Variants in LAMB2 observed in about 807,000 individuals in gnomAD.
LAMB2 encodes laminin subunit beta 2.
Under a neutral mutation model 202.7 loss-of-function variants are expected in LAMB2, and 119 were observed. The observed-to-expected ratio is 0.59, with a 90% CI of 0.51 to 0.68. The LOEUF (loss-of-function observed/expected upper bound fraction) is 0.68. Among genes scored for constraint, LAMB2 ranks in the 30% least tolerant of loss-of-function variants. LAMB2 has a pLI of 0.00. For synonymous variants in LAMB2, 818 were observed against 902.2 expected, an observed-to-expected ratio of 0.91 and a Z score of 1.67; for missense variants, 2,124 against 2,410.6, an observed-to-expected ratio of 0.88 and a Z score of 2.49.
At chr3:49,128,234 C>T (rs1389197115) in intron 15 of LAMB2, among the ~76,000 whole-genome samples, 1 of 152,212 alleles carries the variant, frequency 6.6e-6, no homozygotes, top group African/African-American at 2.4e-5. Flanking sequence ...TAATTCCTGC[C>T]TTGGCCTCTG....
rs747693614 is a variant in LAMB2 at position 49,124,755 on chromosome 3, A to G, written c.3055T>C (p.Cys1019Arg). 1 of 1,614,072 alleles carries G rather than the reference A, an allele frequency of 6.2e-7. No individual in the cohort carries two copies. The highest frequency in any genetic ancestry group is 1.3e-5 in the African/African-American group (1 of 74,938). Residue 1019 changes from cysteine to arginine, a missense_variant, in exon 21 of 32, where the codon TGT becomes CGT. By Grantham distance (180) the Cys-to-Arg change is radical. Around this residue, in one of 3 missense-constraint regions of LAMB2, gnomAD observed 1,702 missense variants for 1,896.3 expected, o/e 0.90. Coordinates refer to ENST00000305544, the MANE Select transcript of LAMB2 (RefSeq NM_002292.4). ...RCLHHTEGPH[C>R]AHCKPGFHGQ... ...TGGAAGCCAGGCTTGCAGTGGGCAC[A>G]GTGTGGACCCTCTGTGTGGTGTAAA...
Position 49,124,025 on chromosome 3 carries a change from C to A in LAMB2, c.3500G>T (p.Gly1167Val). Residue 1167 changes from glycine to valine, a missense_variant, in exon 24 of 32, where the codon GGG (glycine) becomes GTG (valine). Physicochemically the swap from Gly to Val is moderately radical, Grantham distance 109 (BLOSUM62 -3). Coordinates refer to ENST00000305544, the MANE Select transcript of LAMB2 (RefSeq NM_002292.4). ...RFTGHCSCRP[G>V]VSGVRCDQCA... Reference sequence around the variant, plus strand: ...CTGGTCACAGCGCACACCAGACACCCCTGGGCGGCAGCTGCAGTGACCTGT... The same window carrying A: ...CTGGTCACAGCGCACACCAGACACCACTGGGCGGCAGCTGCAGTGACCTGT... 6.2e-7 allele frequency: 1 copy of A among 1,613,664 alleles called. No individual in the cohort carries two copies. Among genetic ancestry groups the A allele is most frequent in the Non-Finnish European group, 8.5e-7 (1 of 1,180,010 alleles).
rs749040143 is a variant in LAMB2, at chr3:49,124,242, A to C, written c.3372T>G (p.Thr1124=). 6.2e-7 allele frequency: 1 copy of C among 1,613,962 alleles called. No homozygotes were observed. The highest frequency in any genetic ancestry group is 8.5e-7 in the Non-Finnish European group (1 of 1,179,944). The change falls in exon 23 of 32, where the codon ACT becomes ACG. Residue 1124 remains threonine (T), a synonymous_variant. Coordinates refer to ENST00000305544, the MANE Select transcript of LAMB2 (RefSeq NM_002292.4). ...AGTGGAGCTCTTGGCACTCAGAACA[A>C]GTCCGCCCTCCAAAGCCGGCACGGC... ...CHCRAGFGGR[T]CSECQELHWG... is the part of the protein sequence containing the mutation.
rs1182496769 is a variant in LAMB2, at chr3:49,131,141, T to A, written c.724A>T (p.Ile242Phe). Residue 242 changes from isoleucine to phenylalanine, a missense_variant, in exon 7 of 32, where the codon ATC (isoleucine) becomes TTC (phenylalanine). Ile to Phe is a conservative substitution (Grantham distance 21). Transcript: ENST00000305544. The surrounding 1 kb of genome is among the most constrained non-coding windows in gnomAD (Gnocchi z 5.0). ...GTCAGGTTCACCCGTAGGTTGGTGATCTTCAACAGGTCTGAGGCGGGGGAA... is the reference window on the plus strand; with the variant it reads ...GTCAGGTTCACCCGTAGGTTGGTGAACTTCAACAGGTCTGAGGCGGGGGAA... ...YSSRIQNLLK[I>F]TNLRVNLTRL... 1.2e-6 allele frequency: 2 copies of A among 1,613,564 alleles called. No individual in the cohort carries two copies.
rs1205212867 is a variant in LAMB2, at chr3:49,125,007, C to T, written c.2883G>A (p.Thr961=). The part of the protein sequence containing the change: ...QIVCHCRAGY[T]GLRCEACAPG... Reference sequence around the variant, plus strand: ...CCACGCCTGCCCCCATCCACTCACCCGTATAGCCTGCCCGGCAGTGGCACA... The same window carrying T: ...CCACGCCTGCCCCCATCCACTCACCTGTATAGCCTGCCCGGCAGTGGCACA... The change falls in exon 20 of 32, where the codon ACG becomes ACA. Residue 961 remains threonine (T), a splice_region_variant and synonymous_variant. Coordinates refer to ENST00000305544, the MANE Select transcript of LAMB2 (RefSeq NM_002292.4). 8.7e-6 allele frequency: 14 copies of T among 1,613,808 alleles called. No individual in the cohort carries two copies. Among genetic ancestry groups the T allele is most frequent in the East Asian group, 2.2e-5 (1 of 44,894 alleles).
chr3:49,132,519 T>TG lies in LAMB2; in HGVS notation c.220dup (p.Gln74ProfsTer19). On this transcript the variant is annotated frameshift_variant, in exon 2 of 32. Transcript: ENST00000305544. LOFTEE classifies it high-confidence loss of function. The surrounding 1 kb of genome is among the most constrained non-coding windows in gnomAD (Gnocchi z 4.6). ...CAGGTGACTGACGATGCAGTAGGGCTGGGGGCCATTCAGGCCACAAGTGGA... is the reference window on the plus strand; with the variant it reads ...CAGGTGACTGACGATGCAGTAGGGCTGGGGGGCCATTCAGGCCACAAGTGGA... The TG allele has an allele frequency of 6.2e-7, 1 of 1,613,850 alleles. No homozygotes were observed. The highest frequency in any genetic ancestry group is 1.1e-5 in the South Asian group (1 of 91,084).
At chr3:49,127,279 C>T (rs1230013925) in intron 15 of LAMB2, among the ~76,000 whole-genome samples, 5 of 152,164 alleles carry the variant, frequency 3.3e-5, no homozygotes, top group Admixed American at 2.6e-4. Context: ...AGCCACCATG[C>T]CTGGTCTAGA....
intron 15 of LAMB2, among the ~76,000 whole-genome samples, chr3:49,127,673 C>A (rs530863401): frequency 6.9e-6 from 1 of 144,464 alleles, no homozygotes; most frequent in Non-Finnish European, 1.5e-5. Flanking sequence ...CCAGCCTGGG[C>A]GACAGAGCAA....
chr3:49,130,775 C>T lies in LAMB2; in HGVS notation c.1001G>A (p.Arg334His), dbSNP rs773981655. Residue 334 changes from arginine (R) to histidine (H), a missense_variant, in exon 8 of 32, where the codon CGT becomes CAT. Arg to His is a conservative substitution (Grantham distance 29, BLOSUM62 0). Around this residue, in one of 3 missense-constraint regions of LAMB2, gnomAD observed 256 missense variants for 356.1 expected, o/e 0.72. Coordinates refer to ENST00000305544, the MANE Select transcript of LAMB2 (RefSeq NM_002292.4). This position sits in a 1 kb window ranked among gnomAD's most constrained non-coding sequence, Gnocchi z 5.0. ...CQDFYRDLPW[R>H]PAEDGHSHAC... ...ATGACTATGGCCGTCCTCAGCCGGA[C>T]GCCAGGGCAGGTCACGATAGAAATC... 88 of 1,614,054 alleles carry T rather than the reference C, an allele frequency of 5.5e-5. No individual in the cohort carries two copies. Among genetic ancestry groups the T allele is most frequent in the South Asian group, 5.4e-4 (49 of 91,094 alleles).
rs199509834 is a variant in LAMB2, at chr3:49,130,190, C to T, written c.1225+41G>A. 8.4e-5 allele frequency: 135 copies of T among 1,610,332 alleles called. No homozygotes were observed. The highest frequency in any genetic ancestry group is 1.1e-4 in the Non-Finnish European group (133 of 1,177,872). ...CAGTCCAGCTCTCTAGTTCCTGCCC[C>T]AGGCTCAGCTTTCTCTCCCCGTGCC... is the stretch of plus-strand genomic sequence containing the variant. On this transcript the variant is annotated intron_variant, in intron 9 of 31. Transcript: ENST00000305544. The surrounding 1 kb of genome is among the most constrained non-coding windows in gnomAD (Gnocchi z 5.0).
In LAMB2 at chr3:49,130,694, C is replaced by G; in HGVS notation, c.1036+46G>C. On this transcript the variant is annotated intron_variant, in intron 8 of 31. Transcript: ENST00000305544. The surrounding 1 kb of genome is among the most constrained non-coding windows in gnomAD (Gnocchi z 5.0). ...GCTCTAGGTTCTACCCAGGGCACAG[C>G]CAGGCTGCAGAGTGCTGGAGCTATG... The G allele has an allele frequency of 6.2e-7, 1 of 1,611,746 alleles. No homozygotes were observed. Among genetic ancestry groups the G allele is most frequent in the Non-Finnish European group, 8.5e-7 (1 of 1,179,866 alleles).
In LAMB2 at chr3:49,132,491, C is replaced by A. The variant is rs1185181066; in HGVS notation, c.249G>T (p.Gln83His). 6.2e-7 allele frequency: 1 copy of A among 1,613,922 alleles called. No homozygotes were observed. Among genetic ancestry groups the A allele is most frequent in the African/African-American group, 1.3e-5 (1 of 74,948 alleles). ...PQPYCIVSHL[Q>H]DEKKCFLCDS... ...CGTCACACCCTGTCCCCAGCCACACCTGCAGGTGACTGACGATGCAGTAGG... is the reference window on the plus strand; with the variant it reads ...CGTCACACCCTGTCCCCAGCCACACATGCAGGTGACTGACGATGCAGTAGG... Residue 83 changes from glutamine (Q) to histidine (H), a missense_variant and splice_region_variant, in exon 2 of 32, where the codon CAG (glutamine) becomes CAT (histidine). This residue lies in a region of LAMB2 where 166 missense variants were observed against 158.2 expected (regional missense o/e 1.05). Transcript: ENST00000305544. This position sits in a 1 kb window ranked among gnomAD's most constrained non-coding sequence, Gnocchi z 4.6.
chr3:49,132,554 C>T lies in LAMB2; in HGVS notation c.186G>A (p.Leu62=). The T allele has an allele frequency of 6.2e-7, 1 of 1,613,710 alleles. No individual in the cohort carries two copies. Among genetic ancestry groups the T allele is most frequent in the Non-Finnish European group, 8.5e-7 (1 of 1,180,032 alleles). The part of the protein sequence containing the change: ...GDLLVGRADR[L]TASSTCGLNG... The stretch of plus-strand genomic sequence containing the variant: ...TCAGGCCACAAGTGGATGAGGCAGT[C>T]AGTCTGTCAGCTCGGCCCACCAGCA... Residue 62 remains leucine, a synonymous_variant, in exon 2 of 32, where the codon CTG becomes CTA. Coordinates refer to ENST00000305544, the MANE Select transcript of LAMB2 (RefSeq NM_002292.4). This position sits in a 1 kb window ranked among gnomAD's most constrained non-coding sequence, Gnocchi z 4.6.
At chr3:49,125,669 G>C in intron 18 of LAMB2, 78 bp downstream of exon 18, 1 of 1,568,328 alleles carries the variant, frequency 6.4e-7, no homozygotes, top group South Asian at 1.2e-5. Flanking sequence ...GAAACCAGCA[G>C]CAGGTCCAGA....
Position 49,121,186 on chromosome 3 carries a change from T to C in LAMB2, c.*40A>G, listed in dbSNP as rs1174718098. 5.0e-6 allele frequency: 8 copies of C among 1,611,072 alleles called. No individual in the cohort carries two copies. The Admixed American group carries it at 5.0e-5, about 10-fold the overall frequency. ...TTCAGTGCATAGGCAGACATGCATGTGGGGCAGTGCTAGGAACTGGGGTAG... is the reference window on the plus strand; with the variant it reads ...TTCAGTGCATAGGCAGACATGCATGCGGGGCAGTGCTAGGAACTGGGGTAG... On this transcript the variant is annotated 3_prime_UTR_variant, in exon 32 of 32. Transcript: ENST00000305544.
chr3:49,124,477 T>C lies in LAMB2; in HGVS notation c.3245A>G (p.Asn1082Ser). 1.9e-6 allele frequency: 3 copies of C among 1,613,612 alleles called. No individual in the cohort carries two copies. The highest frequency in any genetic ancestry group is 1.7e-6 in the Non-Finnish European group (2 of 1,180,000). The change falls in exon 22 of 32, where the codon AAC becomes AGC. Residue 1082 changes from asparagine (N) to serine (S), a missense_variant. This residue lies in a region of LAMB2 where 1,702 missense variants were observed against 1,896.3 expected (regional missense o/e 0.90). Coordinates refer to ENST00000305544, the MANE Select transcript of LAMB2 (RefSeq NM_002292.4). ...QGPSCDRCAP[N>S]FWNLTSGHGC... The stretch of plus-strand genomic sequence containing the variant: ...ATGGCCACTGGTGAGGTTCCAGAAG[T>C]TGGGGGCACAGCGGTCACAGCTAGG...
At position 49,131,004 on chromosome 3, in the gene LAMB2, T is replaced by A; in HGVS notation, c.861A>T (p.Gly287=). The change falls in exon 7 of 32, where the codon GGA becomes GGT. Residue 287 remains glycine, a synonymous_variant. Coordinates refer to ENST00000305544, the MANE Select transcript of LAMB2 (RefSeq NM_002292.4). The surrounding 1 kb of genome is among the most constrained non-coding windows in gnomAD (Gnocchi z 5.0). The stretch of plus-strand genomic sequence containing the variant: ...GGGCGGGTGCACACTCTGAGGCGTG[T>A]CCGTAGCAGAAGCAGTTGCCACGTA... ...LVVRGNCFCY[G]HASECAPAPG... is the part of the protein sequence containing the mutation. 6.2e-7 allele frequency: 1 copy of A among 1,613,950 alleles called. No homozygotes were observed. Among genetic ancestry groups the A allele is most frequent in the Non-Finnish European group, 8.5e-7 (1 of 1,180,006 alleles).
Position 49,130,135 on chromosome 3 carries a change from C to T in LAMB2, c.1225+96G>A. On this transcript the variant is annotated intron_variant, in intron 9 of 31. Coordinates refer to ENST00000305544, the MANE Select transcript of LAMB2 (RefSeq NM_002292.4). The surrounding 1 kb of genome is among the most constrained non-coding windows in gnomAD (Gnocchi z 5.0). ...CCCTGGTCAAGTTCTATCCCAAGCC[C>T]CTAACCCCAATTTCCTGCAATTTAG... 3.1e-6 allele frequency: 5 copies of T among 1,589,964 alleles called. No homozygotes were observed. Among genetic ancestry groups the T allele is most frequent in the Non-Finnish European group, 4.3e-6 (5 of 1,160,060 alleles).
chr3:49,121,460 C>T lies in LAMB2; in HGVS notation c.5233G>A (p.Ala1745Thr), dbSNP rs142041381. Reference sequence around the variant, plus strand: ...TGTAGCCGCTGCAGCTTGTCCTGAGCGGCTTGCAACAGGTCCCGAGCCTCA... The same window carrying T: ...TGTAGCCGCTGCAGCTTGTCCTGAGTGGCTTGCAACAGGTCCCGAGCCTCA... ...RDEARDLLQAAQDKLQRLQEL... is the reference protein window; with the variant it reads ...RDEARDLLQATQDKLQRLQEL... Residue 1745 changes from alanine (A) to threonine (T), a missense_variant, in exon 31 of 32, where the codon GCT becomes ACT. Transcript: ENST00000305544. 960 of 1,613,914 alleles carry T rather than the reference C, an allele frequency of 5.9e-4. 1 individual carries two copies. The highest frequency in any genetic ancestry group is 7.9e-4 in the Non-Finnish European group (933 of 1,180,044).
Sources: allele counts gnomAD v4.1 joint callset (sites outside exome capture counted in the v4.1 genomes callset), GRCh38; gene constraint gnomAD v4.1.1; regional missense constraint gnomAD v4.1.1; non-coding constraint Gnocchi (gnomAD v3.1); transcripts MANE v1.5; gene names NCBI Gene and HGNC (gene_info 2026-07-23, HGNC 2026-07-21).